The following HIGD1C variants were observed in gnomAD, a reference collection of about 807,000 sequenced individuals.
The protein encoded by HIGD1C is HIG1 hypoxia inducible domain family member 1C.
Under a neutral mutation model 13.1 loss-of-function variants are expected in HIGD1C, and 11 were observed. That is an observed-to-expected ratio of 0.84 (90% CI 0.53 to 1.39). The LOEUF is 1.39. Among genes scored for constraint, HIGD1C ranks in the 40% most tolerant of loss-of-function variants. The pLI, the probability that HIGD1C is intolerant of heterozygous loss-of-function variation, is 0.00. For synonymous variants in HIGD1C, 36 were observed against 37.7 expected, an observed-to-expected ratio of 0.95 and a Z score of 0.17; for missense variants, 110 against 112.0, an observed-to-expected ratio of 0.98 and a Z score of 0.08.
chr12:50,935,651 G>C, the HIGD1C span, among the ~76,000 whole-genome samples: 1 of 151,994 alleles, frequency 6.6e-6, no homozygotes. Flanking sequence ...AGCACACCTG[G>C]TTAATTTTTT....
intron 2 of HIGD1C, 33 bp from the exon 5 acceptor site, chr12:50,970,409 A>T (rs774440312): frequency 9.5e-7 from 1 of 1,053,792 alleles, no homozygotes; most frequent in Non-Finnish European, 1.4e-6. Flanking sequence ...TTTCCCATGG[A>T]TACTCAATTG....
At chr12:50,951,377 A>G (rs572714607), upstream of HIGD1C, among the ~76,000 whole-genome samples, 2 of 152,312 alleles carry the variant, frequency 1.3e-5, no homozygotes, top group Non-Finnish European at 2.9e-5. Context: ...GAACAGGGCA[A>G]TATCTCCCCC....
At chr12:50,946,013 A>G in the HIGD1C span, among the ~76,000 whole-genome samples, 1 of 152,220 alleles carries the variant, frequency 6.6e-6, no homozygotes, top group Non-Finnish European at 1.5e-5. Flanking sequence ...GGTGCTGGGA[A>G]AACTGGCTAG....
At chr12:50,960,907 T>C (rs1239848703) in intron 1 of HIGD1C, 61 bp from the exon 4 acceptor site, 15 of 1,395,988 alleles carry the variant, frequency 1.1e-5, no homozygotes, top group South Asian at 4.5e-5. Context: ...TTCAAACTCC[T>C]GGTCTCACAC....
At chr12:50,948,668 G>A in the HIGD1C span, among the ~76,000 whole-genome samples, 2 of 150,172 alleles carry the variant, frequency 1.3e-5, no homozygotes, top group African/African-American at 4.9e-5. Flanking sequence ...AAGAGATTGA[G>A]ACCATCCTGA....
chr12:50,938,804 C>T, the HIGD1C span, among the ~76,000 whole-genome samples: 1 of 152,162 alleles, frequency 6.6e-6, no homozygotes, highest in Non-Finnish European at 1.5e-5. Context: ...GAGAACTTGC[C>T]AGTTATTGCC....
At chr12:50,966,564 T>C (rs1201749682) in intron 2 of HIGD1C, among the ~76,000 whole-genome samples, 2 of 152,120 alleles carry the variant, frequency 1.3e-5, no homozygotes, top group African/African-American at 4.8e-5. Context: ...TTACCATATT[T>C]CCCTGGGGAA....
upstream of HIGD1C, among the ~76,000 whole-genome samples, chr12:50,952,035 T>A (rs1020941380): frequency 3.1e-4 from 46 of 146,764 alleles, no homozygotes; most frequent in African/African-American, 1.1e-3. Flanking sequence ...CAATATATGA[T>A]CCTAATTGGA....
chr12:50,946,146 A>T, the HIGD1C span, among the ~76,000 whole-genome samples: 1 of 152,176 alleles, frequency 6.6e-6, no homozygotes, highest in African/African-American at 2.4e-5. Context: ...AACCTAGGCA[A>T]TATCATTCAG....
chr12:50,968,180 A>G (rs1433370365), intron 2 of HIGD1C, among the ~76,000 whole-genome samples: 1 of 152,136 alleles, frequency 6.6e-6, no homozygotes, highest in African/African-American at 2.4e-5. Context: ...ACCTTAAAAC[A>G]TTTTTGGAGT....
chr12:50,952,614 G>A (rs1430448996), upstream of HIGD1C, among the ~76,000 whole-genome samples: 3 of 152,178 alleles, frequency 2.0e-5, no homozygotes, highest in South Asian at 2.1e-4. Context: ...ACACACAGGC[G>A]CAGGGACTAG....
the HIGD1C span, among the ~76,000 whole-genome samples, chr12:50,938,645 C>T: frequency 2.0e-5 from 3 of 152,182 alleles, no homozygotes; most frequent in African/African-American, 7.2e-5. Flanking sequence ...CCAGATGGCC[C>T]GCTACAACCA....
At chr12:50,968,383 C>CTTTTTTTTTTTT (rs142656016) in intron 2 of HIGD1C, among the ~76,000 whole-genome samples, 1 of 150,972 alleles carries the variant, frequency 6.6e-6, no homozygotes, top group Non-Finnish European at 1.5e-5. Flanking sequence ...TACACTGATT[C>CTTTTTTTTTTTT]TTTTTTTGTG....
intron 1 of HIGD1C, among the ~76,000 whole-genome samples, chr12:50,958,517 G>A (rs1008652796): frequency 2.4e-4 from 36 of 151,250 alleles, no homozygotes; most frequent in Non-Finnish European, 5.0e-4. Flanking sequence ...TCCTGACCTC[G>A]TGATCCGCCC....
chr12:50,951,819 G>C (rs1225207296), upstream of HIGD1C, among the ~76,000 whole-genome samples: 1 of 151,674 alleles, frequency 6.6e-6, no homozygotes, highest in Non-Finnish European at 1.5e-5. Flanking sequence ...CTACTCGGGA[G>C]GCTGAGGCAG....
At chr12:50,938,206 A>AC in the HIGD1C span, among the ~76,000 whole-genome samples, 1 of 76,912 alleles carries the variant, frequency 1.3e-5, no homozygotes, top group East Asian at 3.8e-4. Context: ...CCACCCCCCC[A>AC]CCCCCCTACA....
At chr12:50,940,838 C>G in the HIGD1C span, among the ~76,000 whole-genome samples, 1 of 151,658 alleles carries the variant, frequency 6.6e-6, no homozygotes, top group Non-Finnish European at 1.5e-5. Flanking sequence ...CCATTTGCCC[C>G]AATTTTTCTT....
At chr12:50,937,987 A>T in the HIGD1C span, among the ~76,000 whole-genome samples, 2 of 152,118 alleles carry the variant, frequency 1.3e-5, no homozygotes, top group Non-Finnish European at 1.5e-5. Context: ...TCTCACTCTG[A>T]GTTGTGGACT....
chr12:50,965,111 G>GTT (rs1187299208), intron 2 of HIGD1C, among the ~76,000 whole-genome samples: 1 of 151,618 alleles, frequency 6.6e-6, no homozygotes, highest in Non-Finnish European at 1.5e-5. Flanking sequence ...ATGTTTGTGG[G>GTT]TTTTTTTGTT....
Sources: allele counts gnomAD v4.1 joint callset (sites outside exome capture counted in the v4.1 genomes callset), GRCh38; gene constraint gnomAD v4.1.1; transcripts MANE v1.5; gene names NCBI Gene and HGNC (gene_info 2026-07-23, HGNC 2026-07-21).